The following CDKAL1 variants were observed in gnomAD, a reference collection of about 807,000 sequenced individuals.
CDKAL1 encodes the protein CDKAL1 threonylcarbamoyladenosine tRNA methylthiotransferase.
Under a neutral mutation model 68.2 loss-of-function variants are expected in CDKAL1, and 32 were observed. That is an observed-to-expected ratio of 0.47 (90% CI 0.35 to 0.63). The LOEUF (loss-of-function observed/expected upper bound fraction) is 0.63, where lower values mean the gene tolerates loss of function less well. Among genes scored for constraint, CDKAL1 ranks in the 30% least tolerant of loss-of-function variants. The pLI is 0.00. For synonymous variants in CDKAL1, 234 were observed against 244.3 expected (o/e 0.96, Z 0.39); for missense variants, 606 against 696.7 (o/e 0.87, Z 1.47).
intron 11 of CDKAL1, among the ~76,000 whole-genome samples, chr6:21,006,268 TAGA>T (rs1272760726): frequency 6.6e-6 from 1 of 151,426 alleles, no homozygotes; most frequent in African/African-American, 2.4e-5. Flanking sequence ...GAAACATAAG[TAGA>T]ATATTTATCA....
rs143737221 is a variant in CDKAL1, at chr6:21,118,451, A to G, written c.1299+9988A>G. On this transcript the variant is annotated intron_variant, in intron 13 of 15. Coordinates refer to ENST00000274695, the MANE Select transcript of CDKAL1 (RefSeq NM_017774.3). ...AAAGGCCACTCTCAGATGATTACCA[A>G]CCTCCAACACAGATTCAGGGTTGCA... 6.8e-4 allele frequency among the ~76,000 whole-genome samples: 104 copies of G among 152,148 alleles called. 1 individual carries two copies. The highest frequency in any genetic ancestry group is 2.4e-3 in the African/African-American group (98 of 41,504).
chr6:21,087,340 G>T (rs1290438817), intron 12 of CDKAL1, among the ~76,000 whole-genome samples: 2 of 151,894 alleles, frequency 1.3e-5, no homozygotes, highest in African/African-American at 4.8e-5. Flanking sequence ...TCAAGTCTTT[G>T]TTTTTTTTGG....
intron 11 of CDKAL1, among the ~76,000 whole-genome samples, chr6:21,006,965 C>T (rs753712363): frequency 6.6e-6 from 1 of 152,152 alleles, no homozygotes; most frequent in Non-Finnish European, 1.5e-5. Flanking sequence ...CATAAAGGTC[C>T]AATCACATAT....
chr6:20,909,190 TGTGTG>T, intron 9 of CDKAL1, among the ~76,000 whole-genome samples: 1 of 35,678 alleles, frequency 2.8e-5, no homozygotes, highest in African/African-American at 5.9e-5. Flanking sequence ...CATGTATGTG[TGTGTG>T]TGTGTGTGTG....
chr6:20,688,874 A>C (rs1254298957), intron 5 of CDKAL1, among the ~76,000 whole-genome samples: 3 of 152,200 alleles, frequency 2.0e-5, no homozygotes, highest in Admixed American at 1.3e-4. Flanking sequence ...GTCTTCAGTG[A>C]TGTGGTATTA....
chr6:20,694,195 A>G lies in CDKAL1; in HGVS notation c.371+44818A>G, dbSNP rs187006707. On this transcript the variant is annotated intron_variant, in intron 5 of 15. Transcript: ENST00000274695. ...TTATAAACAAACAAACAAACAAACA[A>G]ACAAGCAAACAAACAAACGTATTTT... 1.7e-3 allele frequency among the ~76,000 whole-genome samples: 257 copies of G among 152,116 alleles called. 1 individual carries two copies. Among genetic ancestry groups the G allele is most frequent in the African/African-American group, 6.0e-3 (250 of 41,508 alleles).
chr6:21,145,634 A>G (rs1042272618), intron 13 of CDKAL1, among the ~76,000 whole-genome samples: 3 of 152,376 alleles, frequency 2.0e-5, no homozygotes, highest in East Asian at 3.9e-4. Context: ...ATTAGAAAGA[A>G]TCACACAGAT....
chr6:21,183,389 C>T (rs1242065557), intron 13 of CDKAL1, among the ~76,000 whole-genome samples: 1 of 152,178 alleles, frequency 6.6e-6, no homozygotes, highest in Non-Finnish European at 1.5e-5. Flanking sequence ...AGCCCAGGAT[C>T]CTAATTCCTC....
intron 11 of CDKAL1, among the ~76,000 whole-genome samples, chr6:21,063,950 A>G (rs1771279408): frequency 6.6e-6 from 1 of 152,192 alleles, no homozygotes; most frequent in South Asian, 2.1e-4. Context: ...TTAAAGACCC[A>G]ATCCAAGGCA....
chr6:20,575,984 C>A (rs568220709), intron 4 of CDKAL1, among the ~76,000 whole-genome samples: 1 of 152,056 alleles, frequency 6.6e-6, no homozygotes, highest in African/African-American at 2.4e-5. Flanking sequence ...CATAACTATA[C>A]GATCACAAGG....
chr6:21,056,656 G>C (rs1770852074), intron 11 of CDKAL1, among the ~76,000 whole-genome samples: 1 of 152,048 alleles, frequency 6.6e-6, no homozygotes, highest in Non-Finnish European at 1.5e-5. Context: ...ATTGGCTGTG[G>C]GTTTGTCATA....
At chr6:20,544,430 T>C (rs1763508943) in intron 2 of CDKAL1, among the ~76,000 whole-genome samples, 1 of 151,490 alleles carries the variant, frequency 6.6e-6, no homozygotes, top group African/African-American at 2.4e-5. Context: ...ACCCCGTCTC[T>C]ACTAAAAATA....
In CDKAL1 at chr6:21,000,250, C is replaced by T. The variant is rs370337522; in HGVS notation, c.933C>T (p.His311=). ...AGGAAATGGCAAAAATCCTTAATCA[C>T]CCCAGAGTCTACGCTTTTCTGCACA... ...HLEEMAKILN[H]PRVYAFLHIP... is the part of the protein sequence containing the mutation. Residue 311 remains histidine (H), a synonymous_variant, in exon 11 of 16, where the codon CAC becomes CAT. Coordinates refer to ENST00000274695, the MANE Select transcript of CDKAL1 (RefSeq NM_017774.3). 5.6e-6 allele frequency: 9 copies of T among 1,613,590 alleles called. No individual in the cohort carries two copies. In the East Asian group the frequency reaches 1.1e-4, roughly 20 times the overall value.
At chr6:20,622,570 T>G (rs1312733065) in intron 4 of CDKAL1, among the ~76,000 whole-genome samples, 1 of 152,142 alleles carries the variant, frequency 6.6e-6, no homozygotes, top group African/African-American at 2.4e-5. Context: ...AGTTTCAGTT[T>G]GGGTCCCTTC....
At chr6:20,704,256 T>C (rs1771501718) in intron 5 of CDKAL1, among the ~76,000 whole-genome samples, 2 of 152,160 alleles carry the variant, frequency 1.3e-5, no homozygotes, top group South Asian at 4.1e-4. Flanking sequence ...TGCTGTCATG[T>C]AGCTTAAAGA....
chr6:20,712,927 A>T (rs571139415), intron 5 of CDKAL1, among the ~76,000 whole-genome samples: 3 of 152,224 alleles, frequency 2.0e-5, no homozygotes, highest in African/African-American at 7.2e-5. Context: ...GGCCTGAGCC[A>T]TCATGCCTGG....
At chr6:20,953,101 A>G (rs1179747258) in intron 9 of CDKAL1, among the ~76,000 whole-genome samples, 1 of 152,204 alleles carries the variant, frequency 6.6e-6, no homozygotes, top group Non-Finnish European at 1.5e-5. Flanking sequence ...TTGCTATTAT[A>G]TAGAGTATTT....
intron 4 of CDKAL1, chr6:20,599,332 T>A (rs1276254809): frequency 2.2e-6 from 1 of 452,542 alleles, no homozygotes; most frequent in African/African-American, 2.0e-5. Context: ...TTGTTATACT[T>A]GGAAATAAAA....
intron 6 of CDKAL1, among the ~76,000 whole-genome samples, chr6:20,749,799 G>A (rs2819988): frequency 0.056 from 8,524 of 151,898 alleles, 274 homozygotes; most frequent in African/African-American, 0.095. Flanking sequence ...TGCCCACCTC[G>A]GCCTCCCAAA....
Sources: allele counts gnomAD v4.1 joint callset (sites outside exome capture counted in the v4.1 genomes callset), GRCh38; gene constraint gnomAD v4.1.1; transcripts MANE v1.5; gene names NCBI Gene and HGNC (gene_info 2026-07-23, HGNC 2026-07-21).